The following C1orf146 variants were observed in gnomAD, a reference collection of about 807,000 sequenced individuals.
C1orf146 encodes the protein protein SPO16 homolog.
C1orf146 carries 22 observed loss-of-function variants against 23.0 expected under a neutral mutation model. The observed-to-expected ratio is 0.96, with a 90% CI of 0.68 to 1.36. The LOEUF (loss-of-function observed/expected upper bound fraction) is 1.36, where lower values mean the gene tolerates loss of function less well. Ranked by LOEUF, C1orf146 falls within the 40% of genes most tolerant of loss-of-function variation. The pLI, the probability that C1orf146 is intolerant of heterozygous loss-of-function variation, is 0.00. For missense variants in C1orf146, 199 were observed against 206.8 expected, an observed-to-expected ratio of 0.96 and a Z score of 0.23; for synonymous variants, 59 against 65.3, an observed-to-expected ratio of 0.90 and a Z score of 0.47.
chr1:92,233,551 C>T (rs1391446267), intron 2 of C1orf146, among the ~76,000 whole-genome samples: 1 of 152,078 alleles, frequency 6.6e-6, no homozygotes, highest in Non-Finnish European at 1.5e-5. Flanking sequence ...TGTGATGCCT[C>T]CAGCTTTGTT....
At chr1:92,222,509 C>CT (rs1651848215) in intron 1 of C1orf146, among the ~76,000 whole-genome samples, 2 of 133,062 alleles carry the variant, frequency 1.5e-5, no homozygotes, top group East Asian at 2.1e-4. Context: ...TGTAATCCCA[C>CT]TTTTTTTCCC....
At chr1:92,231,885 G>A (rs1379776398) in intron 2 of C1orf146, among the ~76,000 whole-genome samples, 2 of 152,096 alleles carry the variant, frequency 1.3e-5, no homozygotes. Flanking sequence ...TTTGGAGAGG[G>A]AGAGATGGAA....
intron 1 of C1orf146, among the ~76,000 whole-genome samples, chr1:92,220,110 C>T (rs1028140396): frequency 4.6e-5 from 7 of 152,170 alleles, no homozygotes; most frequent in African/African-American, 9.6e-5. Context: ...TAAGTACTTT[C>T]TTTTTGGCAC....
chr1:92,245,673 A>C lies in C1orf146; in HGVS notation c.542A>C (p.Ter181SerextTer20), dbSNP rs767859999. 1.4e-5 allele frequency: 22 copies of C among 1,558,850 alleles called. No individual in the cohort carries two copies. The highest frequency in any genetic ancestry group is 1.8e-5 in the Non-Finnish European group (21 of 1,157,362). ...KLNSDSVNPN[*>S] is the part of the protein sequence containing the mutation. ...AATAGTGATTCAGTTAACCCAAATT[A>C]GAGTACCAACTTAATGTTTTTCTCG... is the stretch of plus-strand genomic sequence containing the variant. Residue 181 changes from the stop codon to serine (S), a stop_lost, in exon 6 of 6, where the codon TAG (stop) becomes TCG (serine). Coordinates refer to ENST00000370375, the MANE Select transcript of C1orf146 (RefSeq NM_001012425.2).
chr1:92,231,018 T>C (rs760356747), intron 1 of C1orf146, among the ~76,000 whole-genome samples: 2 of 152,206 alleles, frequency 1.3e-5, no homozygotes, highest in Non-Finnish European at 2.9e-5. Flanking sequence ...CTGCTATTGC[T>C]CTGAGTGAAA....
At chr1:92,220,996 A>T (rs1421128103) in intron 1 of C1orf146, among the ~76,000 whole-genome samples, 1 of 152,220 alleles carries the variant, frequency 6.6e-6, no homozygotes, top group Non-Finnish European at 1.5e-5. Flanking sequence ...GCAAGCTAAT[A>T]AGCTAGCCTG....
At chr1:92,238,973 A>G (rs1652364499) in intron 2 of C1orf146, among the ~76,000 whole-genome samples, 2 of 152,148 alleles carry the variant, frequency 1.3e-5, no homozygotes, top group South Asian at 4.1e-4. Flanking sequence ...TGCCCAGGCC[A>G]GTCTTGAACT....
intron 2 of C1orf146, among the ~76,000 whole-genome samples, chr1:92,236,978 C>A (rs376046472): frequency 1.3e-5 from 2 of 152,174 alleles, no homozygotes; most frequent in Non-Finnish European, 2.9e-5. Flanking sequence ...TTAAGCACTT[C>A]TCTGTATTGT....
At position 92,244,371 on chromosome 1, in the gene C1orf146, C is replaced by T; in HGVS notation, c.315C>T (p.Phe105=). 6.2e-7 allele frequency: 1 copy of T among 1,601,440 alleles called. No homozygotes were observed. The highest frequency in any genetic ancestry group is 1.7e-4 in the Middle Eastern group (1 of 6,006). ...GGCCTGAAGAATGGAAACTGATGTT[C>T]AGGATTCAGCAGAGGTATGGAAGAA... ...LHGPEEWKLM[F]RIQQRFLGCN... is the part of the protein sequence containing the mutation. The change falls in exon 4 of 6, where the codon TTC becomes TTT. Residue 105 remains phenylalanine, a synonymous_variant. Transcript: ENST00000370375.
intron 3 of C1orf146, among the ~76,000 whole-genome samples, chr1:92,243,432 C>T (rs920675979): frequency 1.3e-5 from 2 of 150,704 alleles, no homozygotes; most frequent in East Asian, 2.0e-4. Context: ...CTGCAAGCTC[C>T]GCCTCCTGGG....
In C1orf146 at chr1:92,234,692, T is replaced by G. The variant is rs918449339; in HGVS notation, c.66+3206T>G. Among the ~76,000 whole-genome samples the G allele has an allele frequency of 6.4e-4, 98 of 152,324 alleles. 2 individuals are homozygous for G. Among genetic ancestry groups the G allele is most frequent in the East Asian group, 1.5e-3 (8 of 5,188 alleles). On this transcript the variant is annotated intron_variant, in intron 2 of 5. Coordinates refer to ENST00000370375, the MANE Select transcript of C1orf146 (RefSeq NM_001012425.2). ...AATAGTTTCAGAAGGAATGGTACCA[T>G]CTCCTCCTTTTACCTCTGGTAGAAT... is the stretch of plus-strand genomic sequence containing the variant.
intron 1 of C1orf146, among the ~76,000 whole-genome samples, chr1:92,226,895 A>G (rs966154972): frequency 2.6e-5 from 4 of 151,964 alleles, no homozygotes; most frequent in Non-Finnish European, 5.9e-5. Flanking sequence ...TTTGCTTTAA[A>G]TCTGTTTTTC....
At chr1:92,242,702 A>T (rs532390719) in intron 3 of C1orf146, among the ~76,000 whole-genome samples, 2 of 152,348 alleles carry the variant, frequency 1.3e-5, no homozygotes, top group South Asian at 2.1e-4. Flanking sequence ...GCTGGATATA[A>T]TATAAATATT....
rs554532030 is a variant in C1orf146 at position 92,241,238 on chromosome 1, G to T, written c.67-974G>T. Among the ~76,000 whole-genome samples, 407 of 148,926 alleles carry T rather than the reference G, an allele frequency of 2.7e-3. 1 individual carries two copies. The highest frequency in any genetic ancestry group is 3.5e-3 in the Middle Eastern group (1 of 284). On this transcript the variant is annotated intron_variant, in intron 2 of 5. Transcript: ENST00000370375. ...TATTATTATTATTATTTGAGACAGG[G>T]TCTCACTCTGTCACCCAGGCTGGAG...
chr1:92,245,639 A>G lies in C1orf146; in HGVS notation c.508A>G (p.Ile170Val), dbSNP rs936663284. 6.3e-7 allele frequency: 1 copy of G among 1,594,096 alleles called. No homozygotes were observed. The highest frequency in any genetic ancestry group is 8.5e-7 in the Non-Finnish European group (1 of 1,173,442). The change falls in exon 6 of 6, where the codon ATA becomes GTA. Residue 170 changes from isoleucine (I) to valine (V), a missense_variant. Ile to Val is a conservative substitution (Grantham distance 29). Coordinates refer to ENST00000370375, the MANE Select transcript of C1orf146 (RefSeq NM_001012425.2). ...TCCTGTTTGGAAAACACTTCAGAAG[A>G]TAAAACTGAATAGTGATTCAGTTAA... ...QSPVWKTLQKIKLNSDSVNPN is the reference protein window; with the variant it reads ...QSPVWKTLQKVKLNSDSVNPN
At chr1:92,226,399 GCACA>G (rs368243079) in intron 1 of C1orf146, among the ~76,000 whole-genome samples, 3 of 146,218 alleles carry the variant, frequency 2.1e-5, no homozygotes, top group Non-Finnish European at 3.1e-5. Flanking sequence ...ATGCACGCAT[GCACA>G]CACACACACA....
chr1:92,231,887 G>A (rs1040518881), intron 2 of C1orf146, among the ~76,000 whole-genome samples: 3 of 152,192 alleles, frequency 2.0e-5, no homozygotes, highest in African/African-American at 7.2e-5. Context: ...TGGAGAGGGA[G>A]AGATGGAAAG....
chr1:92,238,172 C>T (rs535751868), intron 2 of C1orf146, among the ~76,000 whole-genome samples: 328 of 152,260 alleles, frequency 2.2e-3, no homozygotes, highest in African/African-American at 7.5e-3. Context: ...TGCCTGCCCC[C>T]ACAACCTGCA....
In C1orf146 at chr1:92,244,824, AAATGCTATT is replaced by A; in HGVS notation, c.379_387del (p.Ala127_Asn129del). The A allele has an allele frequency of 6.2e-7, 1 of 1,608,746 alleles. No individual in the cohort carries two copies. Among genetic ancestry groups the A allele is most frequent in the Non-Finnish European group, 8.5e-7 (1 of 1,175,784 alleles). On this transcript the variant is annotated inframe_deletion, in exon 5 of 6. Transcript: ENST00000370375. Reference sequence around the variant, plus strand: ...GAATACTTCCAGTACACAACACAGTAAATGCTATTAATCTTATGTGCACTATAGCAAAGG... The same window carrying A: ...GAATACTTCCAGTACACAACACAGTAAATCTTATGTGCACTATAGCAAAGG...
Sources: gnomAD v4.1 joint callset for allele counts (sites outside exome capture counted in the v4.1 genomes callset) on GRCh38, gnomAD v4.1.1 for gene constraint, MANE v1.5 for transcripts, NCBI Gene and HGNC (gene_info 2026-07-23, HGNC 2026-07-21) for gene names.